GMEB2: variants seen among roughly 807,000 people sequenced by gnomAD.
GMEB2 encodes glucocorticoid modulatory element-binding protein 2.
GMEB2 carries 7 observed loss-of-function variants against 45.7 expected under a neutral mutation model. That is an observed-to-expected ratio of 0.15 (90% CI 0.09 to 0.29). The LOEUF (loss-of-function observed/expected upper bound fraction) is 0.29, where lower values mean the gene tolerates loss of function less well. Among genes scored for constraint, GMEB2 ranks in the 10% least tolerant of loss-of-function variants. GMEB2 has a pLI of 1.00. For missense variants in GMEB2, 582 were observed against 739.2 expected, an observed-to-expected ratio of 0.79 and a Z score of 2.47; for synonymous variants, 322 against 323.6, an observed-to-expected ratio of 1.00 and a Z score of 0.05.
chr20:63,610,393 C>T (rs6011924), intron 2 of GMEB2, among the ~76,000 whole-genome samples: 12,693 of 152,046 alleles, frequency 0.083, 696 homozygotes, highest in African/African-American at 0.15. Flanking sequence ...TGGTGGCGGG[C>T]GCCTGTAGGC....
At chr20:63,612,147 G>A (rs998290638) in intron 2 of GMEB2, among the ~76,000 whole-genome samples, 3 of 152,178 alleles carry the variant, frequency 2.0e-5, no homozygotes, top group Admixed American at 6.5e-5. Context: ...AGAAATCTAA[G>A]AAAGGAAAAA....
intron 2 of GMEB2, among the ~76,000 whole-genome samples, chr20:63,612,315 CA>C (rs973131746): frequency 2.6e-5 from 4 of 152,166 alleles, no homozygotes; most frequent in Non-Finnish European, 5.9e-5. Flanking sequence ...TGCCTTCGAA[CA>C]AGCCACCTGC....
chr20:63,590,251 C>T lies in GMEB2; in HGVS notation c.1431G>A (p.Leu477=), dbSNP rs1437584758. The change falls in exon 10 of 10, where the codon CTG becomes CTA. Residue 477 remains leucine, a synonymous_variant. Transcript: ENST00000370077. ...TVFKVVSPLQ[L]LTLPGLGPTL... is the part of the protein sequence containing the mutation. ...TGGGGCCCAGGCCAGGCAACGTGAGCAGCTGTAGCGGGCTGACCACCTTGA... is the reference window on the plus strand; with the variant it reads ...TGGGGCCCAGGCCAGGCAACGTGAGTAGCTGTAGCGGGCTGACCACCTTGA... 6.2e-7 allele frequency: 1 copy of T among 1,612,414 alleles called. No homozygotes were observed. Among genetic ancestry groups the T allele is most frequent in the Non-Finnish European group, 8.5e-7 (1 of 1,179,768 alleles).
chr20:63,610,967 C>T (rs1569056352), intron 2 of GMEB2, among the ~76,000 whole-genome samples: 1 of 152,202 alleles, frequency 6.6e-6, no homozygotes, highest in Non-Finnish European at 1.5e-5. Context: ...TGCAGAGCCT[C>T]GGCCAGCCCA....
chr20:63,606,947 G>A (rs1015520648), intron 2 of GMEB2, among the ~76,000 whole-genome samples: 2 of 152,180 alleles, frequency 1.3e-5, no homozygotes, highest in Non-Finnish European at 2.9e-5. Context: ...TGGTGGTGCC[G>A]GCCCAGGACG....
In GMEB2 at chr20:63,593,236, G is replaced by T. The variant is rs1411834828; in HGVS notation, c.620-154C>A. 6.6e-6 allele frequency among the ~76,000 whole-genome samples: 1 copy of T among 152,128 alleles called. No individual in the cohort carries two copies. The highest frequency in any genetic ancestry group is 1.5e-5 in the Non-Finnish European group (1 of 68,040). ...GGATACGCACTAGTACAGCCAAAGTGTACCTGCCTTATATTTTATGGCTAT... is the reference window on the plus strand; with the variant it reads ...GGATACGCACTAGTACAGCCAAAGTTTACCTGCCTTATATTTTATGGCTAT... On this transcript the variant is annotated intron_variant, in intron 6 of 9. Transcript: ENST00000370077. This position sits in a 1 kb window ranked among gnomAD's most constrained non-coding sequence, Gnocchi z 4.7.
chr20:63,626,778 G>T (rs1004342945), intron 1 of GMEB2, among the ~76,000 whole-genome samples, 178 bp downstream of exon 1: 1 of 145,314 alleles, frequency 6.9e-6, no homozygotes, highest in Non-Finnish European at 1.5e-5. Context: ...CGCGCCGCCC[G>T]CCTGACGCCG....
intron 9 of GMEB2, 59 bp from the exon 10 acceptor site, chr20:63,590,788 G>A (rs1163946881): frequency 2.7e-6 from 3 of 1,106,740 alleles, no homozygotes. Context: ...GCGGCATGCA[G>A]GGGATGGGGG....
chr20:63,592,123 ATGT>A lies in GMEB2; in HGVS notation c.848_850del (p.Asn283del). ...GTCCAGCATGCCGAAGTTCTGCACG[ATGT>A]TGTTGAGAAGTACAGCATCTTAAAG... is the stretch of plus-strand genomic sequence containing the variant. On this transcript the variant is annotated inframe_deletion, in exon 9 of 10. Transcript: ENST00000370077. This position sits in a 1 kb window ranked among gnomAD's most constrained non-coding sequence, Gnocchi z 8.2. 1 of 1,613,668 alleles carries A rather than the reference ATGT, an allele frequency of 6.2e-7. No homozygotes were observed. The highest frequency in any genetic ancestry group is 8.5e-7 in the Non-Finnish European group (1 of 1,179,848).
intron 4 of GMEB2, among the ~76,000 whole-genome samples, chr20:63,601,537 CTT>C (rs34916384): frequency 6.9e-6 from 1 of 145,032 alleles, no homozygotes; most frequent in African/African-American, 2.5e-5. Context: ...GCTCTCTTTT[CTT>C]TTTTTTTTTT....
intron 2 of GMEB2, among the ~76,000 whole-genome samples, chr20:63,618,328 C>T (rs2146091536): frequency 6.6e-6 from 1 of 152,292 alleles, no homozygotes; most frequent in South Asian, 2.1e-4. Flanking sequence ...CACACAGGTC[C>T]ATGTCTTGCT....
chr20:63,598,701 A>G (rs1035153281), intron 4 of GMEB2, among the ~76,000 whole-genome samples: 1 of 152,152 alleles, frequency 6.6e-6, no homozygotes. Flanking sequence ...AGACGGGAAC[A>G]CTAAGCCCAG....
chr20:63,622,082 T>C (rs772870157), intron 1 of GMEB2, among the ~76,000 whole-genome samples: 16 of 152,038 alleles, frequency 1.1e-4, no homozygotes, highest in Non-Finnish European at 2.4e-4. Context: ...TGAGCCATGG[T>C]TGTGCCACTG....
At chr20:63,597,667 C>T (rs2083210056) in intron 5 of GMEB2, 90 bp downstream of exon 5, 1 of 774,080 alleles carries the variant, frequency 1.3e-6, no homozygotes, top group South Asian at 1.4e-5. Flanking sequence ...CTAAAATACG[C>T]CTCATCTTCA....
chr20:63,590,916 G>T (rs189561799), intron 9 of GMEB2, among the ~76,000 whole-genome samples, 187 bp from the exon 10 acceptor site: 1 of 152,244 alleles, frequency 6.6e-6, no homozygotes, highest in African/African-American at 2.4e-5. Context: ...TGGGAGACGG[G>T]GCCCAAGATG....
intron 1 of GMEB2, among the ~76,000 whole-genome samples, chr20:63,626,284 G>C (rs2089671494): frequency 6.6e-6 from 1 of 150,494 alleles, no homozygotes; most frequent in Non-Finnish European, 1.5e-5. Context: ...GCCCCTGCGG[G>C]TCGGGTGCCT....
chr20:63,597,965 C>A lies in GMEB2; in HGVS notation c.358-105G>T, dbSNP rs983834754. On this transcript the variant is annotated intron_variant, in intron 4 of 9. Coordinates refer to ENST00000370077, the MANE Select transcript of GMEB2 (RefSeq NM_012384.5). ...TCAGGCGCGCAAGGCAGGAAAAGCG[C>A]CACGGCACGGCTCTGACCGGTGCAG... 92 of 728,850 alleles carry A rather than the reference C, an allele frequency of 1.3e-4. No individual in the cohort carries two copies. The African/African-American group carries it at 1.4e-3, about 11-fold the overall frequency. The allele number at this position is 728,850 out of a possible 1,614,324, so 45.1% of individuals were successfully genotyped here.
At chr20:63,600,470 C>A (rs1287020294) in intron 4 of GMEB2, among the ~76,000 whole-genome samples, 1 of 151,594 alleles carries the variant, frequency 6.6e-6, no homozygotes, top group Non-Finnish European at 1.5e-5. Context: ...GTAATCCCAG[C>A]ACTTTGGGAG....
In GMEB2 at chr20:63,619,502, A is replaced by G; in HGVS notation, c.-57-48T>C. The G allele has an allele frequency of 8.6e-7, 1 of 1,167,232 alleles. No individual in the cohort carries two copies. The highest frequency in any genetic ancestry group is 1.2e-6 in the Non-Finnish European group (1 of 819,552). 72.3% of individuals were successfully genotyped at this position (1,167,232 alleles called of 1,614,324 possible). A position where few individuals can be genotyped will look rare whatever the true frequency, so the allele number is the denominator to read the frequency against. ...CAGGGATGGAGTCATCTCCACATCC[A>G]CACAACATAGCACTCACAAAGGCAT... On this transcript the variant is annotated intron_variant, in intron 1 of 9. Coordinates refer to ENST00000370077, the MANE Select transcript of GMEB2 (RefSeq NM_012384.5). The surrounding 1 kb of genome is among the most constrained non-coding windows in gnomAD (Gnocchi z 4.6).
Sources: gnomAD v4.1 joint callset for allele counts (sites outside exome capture counted in the v4.1 genomes callset) on GRCh38, gnomAD v4.1.1 for gene constraint, Gnocchi (gnomAD v3.1) non-coding constraint, MANE v1.5 for transcripts, NCBI Gene and HGNC (gene_info 2026-07-23, HGNC 2026-07-21) for gene names.